The following GCNA variants were observed in gnomAD, a reference collection of about 807,000 sequenced individuals.
GCNA encodes germ cell nuclear acidic protein.
Under a neutral mutation model 38.8 loss-of-function variants are expected in GCNA, and 3 were observed. The ratio of observed to expected loss-of-function variants is 0.08; its 90% CI spans 0.04 to 0.20. The LOEUF is 0.20. Among genes scored for constraint, GCNA ranks in the 10% least tolerant of loss-of-function variants. The probability of loss-of-function intolerance (pLI) is 1.00; values close to 1 mark genes in which losing one functional copy is unlikely to be tolerated. For synonymous variants in GCNA, 195 were observed against 240.2 expected (o/e 0.81, Z 1.74); for missense variants, 446 against 578.6 (o/e 0.77, Z 2.35).
At position 71,580,850 on chromosome X, in the gene GCNA, G is replaced by A; in HGVS notation, c.29G>A (p.Arg10His). The change falls in exon 2 of 13, where the codon CGC becomes CAC. Residue 10 changes from arginine (R) to histidine (H), a missense_variant. Arg to His is a conservative substitution (Grantham distance 29). Coordinates refer to ENST00000373696, the MANE Select transcript of GCNA (RefSeq NM_052957.5). Reference protein sequence around the residue: MDGCKKELPRLQEPEEDEDC... With the variant: MDGCKKELPHLQEPEEDEDC... ...GATGGGTGCAAAAAAGAGCTGCCCC[G>A]CTTGCAAGAGCCGGAGGAGGACGAG... 5 of 1,202,131 alleles carry A rather than the reference G, an allele frequency of 4.2e-6. No homozygotes were observed. The highest frequency in any genetic ancestry group is 5.6e-6 in the Non-Finnish European group (5 of 890,245).
chrX:71,593,372 C>T (rs1245815802), intron 4 of GCNA, among the ~76,000 whole-genome samples: 7 of 111,537 alleles, frequency 6.3e-5, no homozygotes, highest in African/African-American at 1.6e-4. Flanking sequence ...GTGCTCACTG[C>T]GGTGTGACTC....
At chrX:71,580,268 G>T in intron 1 of GCNA, 1 of 103,966 alleles carries the variant, frequency 9.6e-6, no homozygotes, top group African/African-American at 3.5e-5. Context: ...AGTGGGGGCG[G>T]GTGCAGGGTG....
At chrX:71,599,467 C>T (rs954303343) in intron 7 of GCNA, among the ~76,000 whole-genome samples, 1 of 111,469 alleles carries the variant, frequency 9.0e-6, no homozygotes, top group Non-Finnish European at 1.9e-5. Context: ...AGTTCACAAC[C>T]GGAGGCCACC....
At chrX:71,585,640 A>T (rs151130842) in intron 2 of GCNA, among the ~76,000 whole-genome samples, 194 of 110,761 alleles carry the variant, frequency 1.8e-3, no homozygotes, top group African/African-American at 6.1e-3. Flanking sequence ...TGGAACTGCT[A>T]CTTCCCTTGA....
In GCNA at chrX:71,594,372, G is replaced by T; in HGVS notation, c.182G>T (p.Gly61Val). Residue 61 changes from glycine to valine, a missense_variant, in exon 5 of 13, where the codon GGG (glycine) becomes GTG (valine). Gly to Val is a moderately radical substitution (Grantham distance 109). Coordinates refer to ENST00000373696, the MANE Select transcript of GCNA (RefSeq NM_052957.5). The part of the protein sequence containing the change: ...NVQSRSGDTS[G>V]SSVARRAPKR... ...CAGTCAAGGAGTGGTGACACCAGTG[G>T]GTCTTGTAAGTAGAGTCCACTCAAA... is the stretch of plus-strand genomic sequence containing the variant. 8.3e-7 allele frequency: 1 copy of T among 1,200,684 alleles called. No individual in the cohort carries two copies. The highest frequency in any genetic ancestry group is 1.1e-6 in the Non-Finnish European group (1 of 886,807).
intron 1 of GCNA, among the ~76,000 whole-genome samples, chrX:71,579,946 G>T (rs951378234): frequency 8.4e-5 from 9 of 107,420 alleles, no homozygotes; most frequent in African/African-American, 2.4e-4. Context: ...AAGCGTGGAG[G>T]GGGTGGCCGG....
chrX:71,610,340 G>A (rs1468375009), intron 10 of GCNA, among the ~76,000 whole-genome samples: 4 of 112,136 alleles, frequency 3.6e-5, no homozygotes, highest in South Asian at 3.7e-4. Flanking sequence ...TGGGCCCGGC[G>A]TGGTGGCTCA....
At chrX:71,579,990 G>A (rs1233823511) in intron 1 of GCNA, among the ~76,000 whole-genome samples, 1 of 107,514 alleles carries the variant, frequency 9.3e-6, no homozygotes, top group African/African-American at 3.4e-5. Flanking sequence ...CCAGAGTGGC[G>A]GGAGGTAAGG....
At chrX:71,590,347 A>G (rs1229406581) in intron 2 of GCNA, among the ~76,000 whole-genome samples, 2 of 111,479 alleles carry the variant, frequency 1.8e-5, no homozygotes, top group Non-Finnish European at 3.8e-5. Context: ...TGACCTCTCA[A>G]AAAAGTAGGT....
chrX:71,607,358 C>T (rs2040775934), intron 9 of GCNA, among the ~76,000 whole-genome samples: 1 of 111,975 alleles, frequency 8.9e-6, no homozygotes, highest in South Asian at 3.7e-4. Flanking sequence ...AACTTCCTCA[C>T]GTAGGGTTTA....
intron 7 of GCNA, among the ~76,000 whole-genome samples, chrX:71,601,271 G>A (rs2040712550): frequency 9.1e-6 from 1 of 110,145 alleles, no homozygotes; most frequent in South Asian, 4.0e-4. Flanking sequence ...AACCCGGGAG[G>A]TGGAGGTTGC....
At chrX:71,600,171 G>C (rs984958203) in intron 7 of GCNA, among the ~76,000 whole-genome samples, 1 of 111,822 alleles carries the variant, frequency 8.9e-6, no homozygotes, top group African/African-American at 3.2e-5. Flanking sequence ...CAAATGTTCT[G>C]AGGCCTCTCA....
intron 7 of GCNA, among the ~76,000 whole-genome samples, chrX:71,598,542 G>A (rs2040689541): frequency 9.0e-6 from 1 of 111,182 alleles, no homozygotes. Flanking sequence ...GCTGTTTGCC[G>A]GTCCTTCTGT....
At chrX:71,582,358 G>C (rs1191615306) in intron 2 of GCNA, among the ~76,000 whole-genome samples, 1 of 109,219 alleles carries the variant, frequency 9.2e-6, no homozygotes, top group Non-Finnish European at 1.9e-5. Context: ...CTCATTAAAG[G>C]AATGATAAAT....
chrX:71,608,834 G>A (rs2040788532), intron 9 of GCNA, 139 bp from the exon 10 acceptor site: 1 of 738,026 alleles, frequency 1.4e-6, no homozygotes. Context: ...TACAAATGAA[G>A]GCTTGGGAAA....
At chrX:71,603,023 A>G (rs1327810876) in intron 7 of GCNA, among the ~76,000 whole-genome samples, 1 of 112,213 alleles carries the variant, frequency 8.9e-6, no homozygotes, top group African/African-American at 3.2e-5. Flanking sequence ...AGCACCATTT[A>G]TTGAGGAGAC....
intron 3 of GCNA, 105 bp downstream of exon 3, chrX:71,592,273 C>T: frequency 1.6e-6 from 1 of 640,389 alleles, no homozygotes; most frequent in Non-Finnish European, 2.4e-6. Context: ...AGTTCGTCAC[C>T]TCTAGGGCTC....
intron 6 of GCNA, among the ~76,000 whole-genome samples, chrX:71,595,731 G>A (rs2147720182): frequency 8.9e-6 from 1 of 112,102 alleles, no homozygotes; most frequent in African/African-American, 3.2e-5. Context: ...CTACATAACT[G>A]TTTTCCACAT....
rs2040828024 is a variant in GCNA, at chrX:71,613,402, A to C, written c.*420A>C. The C allele has an allele frequency of 8.0e-6, 1 of 124,287 alleles. No homozygotes were observed. The highest frequency in any genetic ancestry group is 2.2e-4 in the East Asian group (1 of 4,572). The allele number at this position is 124,287 out of a possible 1,213,427, so 10.2% of individuals were successfully genotyped here. On this transcript the variant is annotated 3_prime_UTR_variant, in exon 13 of 13. Coordinates refer to ENST00000373696, the MANE Select transcript of GCNA (RefSeq NM_052957.5). ...AGAAAAGTGAGTTTTCAAGAGTGGC[A>C]GGTTGAGAGAGGAGAATGCTGGAAA... is the stretch of plus-strand genomic sequence containing the variant.
Sources: allele counts gnomAD v4.1 joint callset (sites outside exome capture counted in the v4.1 genomes callset), GRCh38; gene constraint gnomAD v4.1.1; transcripts MANE v1.5; gene names NCBI Gene and HGNC (gene_info 2026-07-23, HGNC 2026-07-21).